Variants in MAGI2 observed in about 807,000 individuals in gnomAD.
MAGI2 encodes membrane associated guanylate kinase, WW and PDZ domain containing 2.
In MAGI2, 35 loss-of-function variants were observed where a neutral mutation model predicts 133.3. The observed-to-expected ratio is 0.26, with a 90% CI of 0.20 to 0.35. The LOEUF is 0.35. Among genes scored for constraint, MAGI2 ranks in the 10% least tolerant of loss-of-function variants. The pLI is 1.00. For synonymous variants in MAGI2, 729 were observed against 710.6 expected (o/e 1.03, Z -0.41); for missense variants, 1,636 against 1,863.4 (o/e 0.88, Z 2.25).
At position 79,068,199 on chromosome 7, in the gene MAGI2, C is replaced by G. The variant is rs1331462114; in HGVS notation, c.302-60993G>C. 2.6e-5 allele frequency among the ~76,000 whole-genome samples: 4 copies of G among 152,076 alleles called. No individual in the cohort carries two copies. The East Asian group carries it at 5.8e-4, about 22-fold the overall frequency. Reference sequence around the variant, plus strand: ...GAATGGTACTAACTCCTCTTTGTACCTCTGGTAGAATTCGGCTGTGAATCC... The same window carrying G: ...GAATGGTACTAACTCCTCTTTGTACGTCTGGTAGAATTCGGCTGTGAATCC... On this transcript the variant is annotated intron_variant, in intron 1 of 21. Coordinates refer to ENST00000354212, the MANE Select transcript of MAGI2 (RefSeq NM_012301.4).
At chr7:78,422,633 C>T (rs1798904641) in intron 6 of MAGI2, among the ~76,000 whole-genome samples, 1 of 149,850 alleles carries the variant, frequency 6.7e-6, no homozygotes, top group African/African-American at 2.5e-5. Flanking sequence ...TCTTCTGTTG[C>T]AGATATAAGA....
intron 9 of MAGI2, among the ~76,000 whole-genome samples, chr7:78,306,829 A>G (rs1377139376): frequency 6.6e-6 from 1 of 152,162 alleles, no homozygotes; most frequent in Non-Finnish European, 1.5e-5. Context: ...TGTTTATGCA[A>G]TGTCAGCAGA....
At chr7:78,726,218 C>A (rs569796675) in intron 2 of MAGI2, among the ~76,000 whole-genome samples, 2 of 152,202 alleles carry the variant, frequency 1.3e-5, no homozygotes, top group South Asian at 2.1e-4. Flanking sequence ...ACAAAAGGAA[C>A]CACTGATAAT....
intron 2 of MAGI2, among the ~76,000 whole-genome samples, chr7:78,912,401 A>T (rs190182163): frequency 5.9e-5 from 9 of 152,142 alleles, no homozygotes; most frequent in Admixed American, 5.2e-4. Context: ...TTGATCCTGG[A>T]TGTGTCTGTG....
At chr7:78,777,652 A>T (rs1826092502) in intron 2 of MAGI2, among the ~76,000 whole-genome samples, 1 of 152,174 alleles carries the variant, frequency 6.6e-6, no homozygotes, top group South Asian at 2.1e-4. Context: ...TTTCACCATT[A>T]TTATTACAAT....
At chr7:78,291,399 A>C (rs959117303) in intron 9 of MAGI2, among the ~76,000 whole-genome samples, 7 of 152,132 alleles carry the variant, frequency 4.6e-5, no homozygotes, top group African/African-American at 1.7e-4. Flanking sequence ...TCAAATCCCT[A>C]AATAGACCAA....
At chr7:78,467,132 T>C (rs1307917850) in intron 6 of MAGI2, among the ~76,000 whole-genome samples, 1 of 152,192 alleles carries the variant, frequency 6.6e-6, no homozygotes, top group African/African-American at 2.4e-5. Flanking sequence ...CCCAGGCTCA[T>C]GGCTCAGAGA....
At chr7:78,487,961 A>C (rs1233906331) in intron 6 of MAGI2, among the ~76,000 whole-genome samples, 9 of 152,192 alleles carry the variant, frequency 5.9e-5, no homozygotes, top group Non-Finnish European at 5.9e-5. Context: ...AAAGTAAAAC[A>C]CAGGTAACAA....
At chr7:79,049,925 T>A (rs1299458770) in intron 1 of MAGI2, among the ~76,000 whole-genome samples, 1 of 152,214 alleles carries the variant, frequency 6.6e-6, no homozygotes, top group African/African-American at 2.4e-5. Context: ...ATATTTTGTT[T>A]TATATGTCTG....
chr7:79,234,618 G>T (rs199883637), intron 1 of MAGI2, among the ~76,000 whole-genome samples: 5 of 152,060 alleles, frequency 3.3e-5, no homozygotes, highest in Middle Eastern at 3.4e-3. Context: ...CTTCACGTAG[G>T]TCTCGAGCCT....
At chr7:78,760,678 T>C (rs1824419422) in intron 2 of MAGI2, among the ~76,000 whole-genome samples, 1 of 152,332 alleles carries the variant, frequency 6.6e-6, no homozygotes, top group Non-Finnish European at 1.5e-5. Flanking sequence ...AAAGAGATTA[T>C]GTGGGACACA....
chr7:78,287,226 AAGG>A (rs1207926581), intron 9 of MAGI2, among the ~76,000 whole-genome samples: 5 of 152,164 alleles, frequency 3.3e-5, no homozygotes, highest in Non-Finnish European at 2.9e-5. Flanking sequence ...GGGCTTAAGA[AAGG>A]AGAGTGATTT....
chr7:78,372,587 G>A (rs1432805730), intron 6 of MAGI2, among the ~76,000 whole-genome samples: 1 of 152,124 alleles, frequency 6.6e-6, no homozygotes, highest in Non-Finnish European at 1.5e-5. Context: ...AGATCAGCAA[G>A]GTTAATGTTG....
intron 3 of MAGI2, among the ~76,000 whole-genome samples, chr7:78,554,922 A>G (rs1426587072): frequency 1.3e-5 from 2 of 152,008 alleles, no homozygotes; most frequent in Non-Finnish European, 2.9e-5. Context: ...GGGGTGTGAG[A>G]ATGGCTTGAG....
intron 3 of MAGI2, among the ~76,000 whole-genome samples, chr7:78,569,695 CA>C (rs1801312510): frequency 6.6e-6 from 1 of 152,138 alleles, no homozygotes; most frequent in South Asian, 2.1e-4. Flanking sequence ...AAAAATTACA[CA>C]ATTATTAAGC....
intron 1 of MAGI2, among the ~76,000 whole-genome samples, chr7:79,219,151 T>C (rs1403364621): frequency 1.3e-5 from 2 of 152,198 alleles, no homozygotes. Flanking sequence ...CTGACTGGTA[T>C]ACTATAAGCT....
chr7:79,390,359 G>A (rs1325603307), intron 1 of MAGI2, among the ~76,000 whole-genome samples: 1 of 152,058 alleles, frequency 6.6e-6, no homozygotes, highest in East Asian at 1.9e-4. Flanking sequence ...TCTCCATTTG[G>A]AAAGTTTTAG....
intron 5 of MAGI2, among the ~76,000 whole-genome samples, chr7:78,501,300 T>C (rs1389996044): frequency 6.6e-6 from 1 of 151,960 alleles, no homozygotes; most frequent in Non-Finnish European, 1.5e-5. Context: ...CTATTCCTAA[T>C]TCAATAATAA....
At chr7:78,744,145 A>G (rs375307611) in intron 2 of MAGI2, among the ~76,000 whole-genome samples, 2 of 152,138 alleles carry the variant, frequency 1.3e-5, no homozygotes, top group African/African-American at 2.4e-5. Flanking sequence ...AACAATAAAG[A>G]TATATTTTCA....
Sources: gnomAD v4.1 joint callset for allele counts (sites outside exome capture counted in the v4.1 genomes callset) on GRCh38, gnomAD v4.1.1 for gene constraint, MANE v1.5 for transcripts, NCBI Gene and HGNC (gene_info 2026-07-23, HGNC 2026-07-21) for gene names.